Variants in COA1 observed in about 807,000 individuals in gnomAD.
The protein encoded by COA1 is cytochrome c oxidase assembly factor 1, also known as cytochrome c oxidase assembly factor 1 homolog.
COA1 carries 13 observed loss-of-function variants against 16.0 expected under a neutral mutation model. The ratio of observed to expected loss-of-function variants is 0.81; its 90% confidence interval spans 0.53 to 1.29. COA1 has a LOEUF of 1.29. COA1 is among the 50% of genes most tolerant of loss of function. The pLI is 0.00. For missense variants in COA1, 179 were observed against 177.0 expected (o/e 1.01, Z -0.06); for synonymous variants, 65 against 65.7 (o/e 0.99, Z 0.05).
At chr7:43,671,671 G>T (rs1194303971) in intron 1 of COA1, among the ~76,000 whole-genome samples, 1 of 152,164 alleles carries the variant, frequency 6.6e-6, no homozygotes, top group African/African-American at 2.4e-5. Context: ...CAAACTACGT[G>T]ATATGGTTTG....
intron 2 of COA1, 88 bp from the exon 3 acceptor site, chr7:43,647,722 G>T: frequency 1.0e-6 from 1 of 971,088 alleles, no homozygotes; most frequent in Non-Finnish European, 1.6e-6. Context: ...AAGGAAAGAA[G>T]CATTAAGGAA....
chr7:43,671,466 T>G (rs1345507769), intron 1 of COA1, among the ~76,000 whole-genome samples: 1 of 152,016 alleles, frequency 6.6e-6, no homozygotes, highest in Non-Finnish European at 1.5e-5. Context: ...AGAATCCCAT[T>G]TATAATGGCC....
At chr7:43,646,519 G>C (rs1201043289) in intron 3 of COA1, 1 of 455,994 alleles carries the variant, frequency 2.2e-6, no homozygotes, top group Non-Finnish European at 4.4e-6. Context: ...CTGGAGCCGA[G>C]ATTCAACCAT....
At chr7:43,722,468 C>T (rs978158499) in intron 1 of COA1, among the ~76,000 whole-genome samples, 1 of 152,046 alleles carries the variant, frequency 6.6e-6, no homozygotes, top group Non-Finnish European at 1.5e-5. Flanking sequence ...GGCACAATCT[C>T]AGCTCCCTGC....
downstream of COA1, among the ~76,000 whole-genome samples, chr7:43,634,903 A>C (rs1487316209): frequency 6.6e-6 from 1 of 152,198 alleles, no homozygotes; most frequent in Non-Finnish European, 1.5e-5. Flanking sequence ...AAGAAAACCC[A>C]GGGAAATCGA....
exon 7 of COA1, chr7:43,608,829 G>A (rs2082649429): frequency 6.5e-6 from 1 of 153,530 alleles, no homozygotes; most frequent in Admixed American, 6.5e-5. Flanking sequence ...TGGATTCTAG[G>A]GGTTTCATAT....
downstream of COA1, among the ~76,000 whole-genome samples, chr7:43,634,479 G>A (rs973097709): frequency 6.6e-6 from 1 of 152,122 alleles, no homozygotes; most frequent in Non-Finnish European, 1.5e-5. Context: ...TGGGAGTGGG[G>A]GCAGTTGTTC....
At chr7:43,710,348 CAAAAA>C (rs1165121530) in intron 1 of COA1, among the ~76,000 whole-genome samples, 19 of 52,444 alleles carry the variant, frequency 3.6e-4, no homozygotes, top group African/African-American at 7.9e-4. Context: ...GACTCTGTCT[CAAAAA>C]AAAAAAAAAA....
chr7:43,691,354 AG>A (rs1563383348), intron 1 of COA1, among the ~76,000 whole-genome samples: 421 of 31,312 alleles, frequency 0.013, 14 homozygotes, highest in African/African-American at 0.045. Context: ...GGAGGGAGGG[AG>A]GGAGGGAGGG....
intron 4 of COA1, among the ~76,000 whole-genome samples, chr7:43,644,499 T>A (rs1337534569): frequency 1.3e-5 from 2 of 152,034 alleles, no homozygotes; most frequent in Non-Finnish European, 2.9e-5. Context: ...TACATTTGAA[T>A]GAGCACTGAC....
intron 3 of COA1, 24 bp downstream of exon 3, chr7:43,647,511 G>T: frequency 6.5e-7 from 1 of 1,538,374 alleles, no homozygotes; most frequent in Non-Finnish European, 9.0e-7. Flanking sequence ...AGGTCAGGCC[G>T]CAGGCGGCTA....
chr7:43,727,120 A>G (rs1379926687), intron 1 of COA1, among the ~76,000 whole-genome samples: 1 of 152,240 alleles, frequency 6.6e-6, no homozygotes, highest in Non-Finnish European at 1.5e-5. Flanking sequence ...GTCCCTAAAT[A>G]TGTACAATTA....
At chr7:43,686,305 C>CTTTTTT (rs770784003) in intron 1 of COA1, among the ~76,000 whole-genome samples, 4 of 126,108 alleles carry the variant, frequency 3.2e-5, no homozygotes, top group Non-Finnish European at 6.6e-5. Context: ...GGCTTTGTTT[C>CTTTTTT]TTTTTTTTTT....
chr7:43,675,043 G>A (rs1036675794), intron 1 of COA1, among the ~76,000 whole-genome samples: 12 of 152,154 alleles, frequency 7.9e-5, no homozygotes, highest in African/African-American at 2.2e-4. Flanking sequence ...AACACAAACA[G>A]ATGACATTTA....
chr7:43,726,622 C>A (rs2095622572), intron 1 of COA1, among the ~76,000 whole-genome samples: 1 of 152,194 alleles, frequency 6.6e-6, no homozygotes, highest in African/African-American at 2.4e-5. Flanking sequence ...CGGGTTCTTT[C>A]ACAGCATTTT....
intron 6 of COA1, among the ~76,000 whole-genome samples, chr7:43,610,760 G>T (rs1435882158): frequency 2.0e-5 from 3 of 152,004 alleles, no homozygotes; most frequent in African/African-American, 4.8e-5. Flanking sequence ...ATTCATATAT[G>T]TATATATTTA....
chr7:43,660,857 T>C (rs2092349578), intron 1 of COA1, among the ~76,000 whole-genome samples: 1 of 152,210 alleles, frequency 6.6e-6, no homozygotes, highest in African/African-American at 2.4e-5. Context: ...AGAAAACTGA[T>C]TGTATCCCAT....
chr7:43,645,112 T>C, intron 4 of COA1, 139 bp downstream of exon 4: 1 of 488,898 alleles, frequency 2.0e-6, no homozygotes, highest in South Asian at 7.0e-5. Flanking sequence ...AGAAAAACTT[T>C]TTTTAAAGGT....
chr7:43,678,855 C>T (rs1451232877), intron 1 of COA1, among the ~76,000 whole-genome samples: 1 of 152,180 alleles, frequency 6.6e-6, no homozygotes, highest in African/African-American at 2.4e-5. Context: ...TATGGCATTA[C>T]TGGTGAGAAT....
Sources: gnomAD v4.1 joint callset for allele counts (sites outside exome capture counted in the v4.1 genomes callset) on GRCh38, gnomAD v4.1.1 for gene constraint, MANE v1.5 for transcripts, NCBI Gene and HGNC (gene_info 2026-07-23, HGNC 2026-07-21) for gene names.